The following FAM47E variants were observed in gnomAD, a reference collection of about 807,000 sequenced individuals.
FAM47E encodes family with sequence similarity 47 member E.
A neutral mutation model predicts 41.6 loss-of-function variants in FAM47E; 32 were observed. The observed-to-expected ratio is 0.77, with a 90% CI of 0.58 to 1.03. The LOEUF (loss-of-function observed/expected upper bound fraction) is 1.03. Ranked by LOEUF, FAM47E falls within the 50% of genes least tolerant of loss-of-function variation. The pLI, the probability that FAM47E is intolerant of heterozygous loss-of-function variation, is 0.00. For synonymous variants in FAM47E, 184 were observed against 188.7 expected, an observed-to-expected ratio of 0.98 and a Z score of 0.20; for missense variants, 424 against 485.4, an observed-to-expected ratio of 0.87 and a Z score of 1.19.
chr4:76,282,800 A>G (rs1735410823), intron 7 of FAM47E: 1 of 152,168 alleles, frequency 6.6e-6, no homozygotes, highest in Non-Finnish European at 1.5e-5. Context: ...TATTTTATCA[A>G]TAAGATTTCA....
At chr4:76,264,458 C>T (rs909532768) in intron 3 of FAM47E, among the ~76,000 whole-genome samples, 1 of 151,978 alleles carries the variant, frequency 6.6e-6, no homozygotes, top group Non-Finnish European at 1.5e-5. Context: ...TGACCCTTCT[C>T]AAAGCATTAA....
intron 2 of FAM47E, among the ~76,000 whole-genome samples, chr4:76,222,543 C>T (rs1733328320): frequency 6.6e-6 from 1 of 152,260 alleles, no homozygotes; most frequent in African/African-American, 2.4e-5. Flanking sequence ...CCTATCTTCT[C>T]CTTAGTCCTT....
At chr4:76,255,763 G>A (rs921457833) in intron 1 of FAM47E, among the ~76,000 whole-genome samples, 4 of 152,126 alleles carry the variant, frequency 2.6e-5, no homozygotes, top group Non-Finnish European at 5.9e-5. Flanking sequence ...ACATGGAAGG[G>A]TCTTTAAAAT....
At chr4:76,217,935 T>G (rs537565413) in intron 2 of FAM47E, among the ~76,000 whole-genome samples, 1 of 152,382 alleles carries the variant, frequency 6.6e-6, no homozygotes, top group East Asian at 1.9e-4. Context: ...GGCTCTACCT[T>G]AAATTTAGAA....
At chr4:76,282,402 A>G (rs1033821169) in intron 7 of FAM47E, 1 of 152,154 alleles carries the variant, frequency 6.6e-6, no homozygotes, top group African/African-American at 2.4e-5. Context: ...TAGGCTTTCC[A>G]CAAGGGTCGC....
intron 3 of FAM47E, chr4:76,268,118 A>G (rs528471993): frequency 6.5e-6 from 1 of 152,992 alleles, no homozygotes; most frequent in African/African-American, 2.4e-5. Context: ...TGATATGTCC[A>G]GAGTTACATT....
At chr4:76,216,325 A>T (rs896731175) in intron 1 of FAM47E, among the ~76,000 whole-genome samples, 2 of 152,076 alleles carry the variant, frequency 1.3e-5, no homozygotes, top group Admixed American at 6.6e-5. Context: ...AGAAAAAAAA[A>T]TTTGGTAACT....
chr4:76,272,468 A>G (rs920897530), intron 5 of FAM47E, among the ~76,000 whole-genome samples: 1 of 152,240 alleles, frequency 6.6e-6, no homozygotes, highest in African/African-American at 2.4e-5. Flanking sequence ...TGCCTTTTAC[A>G]CATAATCTTT....
Position 76,283,621 on chromosome 4 carries a change from AT to A in FAM47E, c.*166del. On this transcript the variant is annotated 3_prime_UTR_variant, in exon 8 of 8. Transcript: ENST00000424749. The stretch of plus-strand genomic sequence containing the variant: ...AATGTAATACCTGATGGTTATAAGC[AT>A]TTCTCAATGGATTTCTGCTTCAGTT... 1 of 537,450 alleles carries A rather than the reference AT, an allele frequency of 1.9e-6. No homozygotes were observed. The highest frequency in any genetic ancestry group is 3.3e-6 in the Non-Finnish European group (1 of 299,178). The allele number at this position is 537,450 out of a possible 1,614,324, so 33.3% of individuals were successfully genotyped here.
intron 2 of FAM47E, among the ~76,000 whole-genome samples, chr4:76,239,422 T>C (rs571618341): frequency 5.9e-5 from 9 of 152,304 alleles, no homozygotes; most frequent in African/African-American, 2.2e-4. Flanking sequence ...ATAGTAGCCA[T>C]CCTAATAAGG....
At chr4:76,222,621 A>G (rs1442665537) in intron 2 of FAM47E, among the ~76,000 whole-genome samples, 1 of 152,128 alleles carries the variant, frequency 6.6e-6, no homozygotes, top group African/African-American at 2.4e-5. Flanking sequence ...TCATCAGAGG[A>G]GGGTTTTGGT....
At chr4:76,216,926 C>T (rs546549350) in intron 1 of FAM47E, among the ~76,000 whole-genome samples, 51 of 152,330 alleles carry the variant, frequency 3.3e-4, no homozygotes, top group Middle Eastern at 6.8e-3. Context: ...TCTGTCTTAT[C>T]ACCGAGGCTG....
At position 76,237,065 on chromosome 4, in the gene FAM47E, T is replaced by G. The variant is rs113812080; in HGVS notation, c.81+19377T>G. Reference sequence around the variant, plus strand: ...CGCCTGTCACCACGCCCGGCTAATTTTTTGTATTTTTAGTAGAGACGAGGT... The same window carrying G: ...CGCCTGTCACCACGCCCGGCTAATTGTTTGTATTTTTAGTAGAGACGAGGT... On this transcript the variant is annotated intron_variant, in intron 2 of 7. Coordinates refer to the FAM47E transcript ENST00000510197. Among the ~76,000 whole-genome samples the G allele has an allele frequency of 9.5e-3, 1,443 of 151,842 alleles. 25 individuals carry two copies. Among genetic ancestry groups the G allele is most frequent in the African/African-American group, 0.033 (1,367 of 41,390 alleles).
At position 76,263,695 on chromosome 4, in the gene FAM47E, T is replaced by C; in HGVS notation, c.421-9T>C. 2 of 1,548,868 alleles carry C rather than the reference T, an allele frequency of 1.3e-6. No homozygotes were observed. Among genetic ancestry groups the C allele is most frequent in the Non-Finnish European group, 1.7e-6 (2 of 1,146,002 alleles). ...TTTCTTTTCCTCTAAGACTATTTTC[T>C]GTTTGTAGCTCTTATCAAAGGTGCT... On this transcript the variant is annotated splice_polypyrimidine_tract_variant and intron_variant, in intron 2 of 7. Transcript: ENST00000424749.
Position 76,283,634 on chromosome 4 carries a change from T to C in FAM47E, c.*176T>C. ...ATGGTTATAAGCATTTCTCAATGGATTTCTGCTTCAGTTAATCAACATTTT... is the reference window on the plus strand; with the variant it reads ...ATGGTTATAAGCATTTCTCAATGGACTTCTGCTTCAGTTAATCAACATTTT... On this transcript the variant is annotated 3_prime_UTR_variant, in exon 8 of 8. Transcript: ENST00000424749. The C allele has an allele frequency of 1.9e-6, 1 of 523,012 alleles. No individual in the cohort carries two copies. Among genetic ancestry groups the C allele is most frequent in the South Asian group, 2.7e-5 (1 of 36,764 alleles). 32.4% of individuals were successfully genotyped at this position (523,012 alleles called of 1,614,324 possible).
At chr4:76,268,801 G>T in intron 4 of FAM47E, 33 bp downstream of exon 4, 1 of 1,548,338 alleles carries the variant, frequency 6.5e-7, no homozygotes, top group Non-Finnish European at 8.7e-7. Context: ...TCTGCAAGTG[G>T]GTTACTACTT....
intron 2 of FAM47E, among the ~76,000 whole-genome samples, chr4:76,219,397 T>G (rs1733269083): frequency 6.6e-6 from 1 of 152,206 alleles, no homozygotes; most frequent in South Asian, 2.1e-4. Context: ...GGTACTTTGA[T>G]GGTACTTTCT....
At chr4:76,217,800 A>T (rs1173781540) in intron 2 of FAM47E, 2 of 406,572 alleles carry the variant, frequency 4.9e-6, no homozygotes, top group African/African-American at 4.1e-5. Flanking sequence ...TTATCTGAGA[A>T]GAACAAGTAC....
intron 2 of FAM47E, among the ~76,000 whole-genome samples, chr4:76,227,056 T>C (rs1733410946): frequency 6.6e-6 from 1 of 152,114 alleles, no homozygotes; most frequent in Non-Finnish European, 1.5e-5. Context: ...TTATTTCTTT[T>C]CTTCTGCTGG....
Sources: allele counts gnomAD v4.1 joint callset (sites outside exome capture counted in the v4.1 genomes callset), GRCh38; gene constraint gnomAD v4.1.1; transcripts MANE v1.5; gene names NCBI Gene and HGNC (gene_info 2026-07-23, HGNC 2026-07-21).